The following LINC00305 variants were observed in gnomAD, a reference collection of about 807,000 sequenced individuals.
LINC00305 encodes the protein long intergenic non-protein coding RNA 305.
intron 1 of LINC00305, among the ~76,000 whole-genome samples, chr18:64,139,094 T>G (rs2051448932): frequency 6.6e-6 from 1 of 152,150 alleles, no homozygotes; most frequent in Non-Finnish European, 1.5e-5. Context: ...CAAACATTCT[T>G]CCTCTGCGTG....
At chr18:64,082,462 T>C (rs921933450) in intron 3 of LINC00305, among the ~76,000 whole-genome samples, 4 of 152,232 alleles carry the variant, frequency 2.6e-5, no homozygotes, top group Admixed American at 2.6e-4. Context: ...GTTTCTCATT[T>C]AGCTGGCCCT....
intron 1 of LINC00305, among the ~76,000 whole-genome samples, chr18:64,137,394 C>T (rs1230540984): frequency 6.6e-6 from 1 of 152,174 alleles, no homozygotes; most frequent in Non-Finnish European, 1.5e-5. Flanking sequence ...TTAGGACAAC[C>T]CTGGGAAATT....
At position 64,099,265 on chromosome 18, in the gene LINC00305, A is replaced by G. The variant is rs148195727; in HGVS notation, n.315-625T>C. ...ATATGGTCACATTTCATACATGTGTACTCTCTAAATTTGTGATTTTAAACA... is the reference window on the plus strand; with the variant it reads ...ATATGGTCACATTTCATACATGTGTGCTCTCTAAATTTGTGATTTTAAACA... On this transcript the variant is annotated intron_variant and non_coding_transcript_variant, in intron 1 of 3. Coordinates refer to ENST00000666468, the Ensembl canonical transcript of LINC00305. 9.5e-4 allele frequency among the ~76,000 whole-genome samples: 145 copies of G among 152,236 alleles called. 1 individual carries two copies. Among genetic ancestry groups the G allele is most frequent in the African/African-American group, 3.4e-3 (143 of 41,560 alleles).
At chr18:64,127,786 G>A (rs1324640166) in intron 1 of LINC00305, among the ~76,000 whole-genome samples, 2 of 152,124 alleles carry the variant, frequency 1.3e-5, no homozygotes, top group South Asian at 2.1e-4. Context: ...TTTCCCATGT[G>A]TGTTTCTGCA....
chr18:64,125,560 T>A (rs1404345791), intron 1 of LINC00305, among the ~76,000 whole-genome samples: 2 of 151,636 alleles, frequency 1.3e-5, no homozygotes, highest in South Asian at 2.1e-4. Flanking sequence ...TATGTCGCAA[T>A]TTTTTTTTAC....
intron 1 of LINC00305, among the ~76,000 whole-genome samples, chr18:64,101,288 G>A (rs577716437): frequency 3.3e-5 from 5 of 152,250 alleles, no homozygotes; most frequent in African/African-American, 9.6e-5. Context: ...GTGCTCATAT[G>A]GGAACAATGC....
chr18:64,146,219 T>C (rs1320941883), intron 1 of LINC00305, among the ~76,000 whole-genome samples: 2 of 152,174 alleles, frequency 1.3e-5, no homozygotes, highest in African/African-American at 2.4e-5. Context: ...AATAGTAGTA[T>C]TAGACAAATA....
chr18:64,102,017 A>G (rs572846802), intron 1 of LINC00305, among the ~76,000 whole-genome samples: 1 of 152,318 alleles, frequency 6.6e-6, no homozygotes, highest in Admixed American at 6.5e-5. Context: ...TCCACACTAG[A>G]ACATGTGCCT....
At chr18:64,117,142 T>C (rs1299378027) in intron 1 of LINC00305, among the ~76,000 whole-genome samples, 1 of 152,156 alleles carries the variant, frequency 6.6e-6, no homozygotes, top group Non-Finnish European at 1.5e-5. Context: ...ATGCTAACTG[T>C]GGTTCTTCTG....
At chr18:64,144,076 T>C (rs1340243910) in intron 1 of LINC00305, among the ~76,000 whole-genome samples, 1 of 152,204 alleles carries the variant, frequency 6.6e-6, no homozygotes, top group African/African-American at 2.4e-5. Flanking sequence ...AAATTCTTTT[T>C]ATGCCCTGTT....
At chr18:64,141,185 A>G (rs1269649183) in intron 1 of LINC00305, among the ~76,000 whole-genome samples, 1 of 152,038 alleles carries the variant, frequency 6.6e-6, no homozygotes, top group Non-Finnish European at 1.5e-5. Context: ...CCTTTAACCT[A>G]TAAAAACTGT....
chr18:64,094,863 A>ATAAATAAATAAATAAATAAAT (rs1488732186), intron 3 of LINC00305, among the ~76,000 whole-genome samples: 1 of 150,164 alleles, frequency 6.7e-6, no homozygotes, highest in African/African-American at 2.4e-5. Flanking sequence ...CAAAAAATAA[A>ATAAATAAATAAATAAATAAAT]TAAATAAATA....
At chr18:64,080,931 A>AT (rs1289400763) in intron 3 of LINC00305, among the ~76,000 whole-genome samples, 7 of 152,172 alleles carry the variant, frequency 4.6e-5, no homozygotes, top group Non-Finnish European at 1.0e-4. Context: ...AACTATTTTA[A>AT]TTTTTTAAAA....
At chr18:64,132,482 C>T (rs2051414154) in intron 1 of LINC00305, among the ~76,000 whole-genome samples, 1 of 152,122 alleles carries the variant, frequency 6.6e-6, no homozygotes, top group Non-Finnish European at 1.5e-5. Flanking sequence ...CATACGTCAC[C>T]TTGTATAAAC....
intron 1 of LINC00305, among the ~76,000 whole-genome samples, chr18:64,115,475 G>C (rs568455568): frequency 1.3e-5 from 2 of 152,130 alleles, no homozygotes; most frequent in Non-Finnish European, 2.9e-5. Flanking sequence ...TGTGTGTGGG[G>C]AGGCTGCTTA....
At chr18:64,143,799 A>G (rs1306514599) in intron 1 of LINC00305, among the ~76,000 whole-genome samples, 2 of 146,786 alleles carry the variant, frequency 1.4e-5, no homozygotes, top group African/African-American at 2.5e-5. Flanking sequence ...TATTATGCGT[A>G]CATGTATGTA....
At chr18:64,086,220 T>C (rs1044413151) in intron 3 of LINC00305, among the ~76,000 whole-genome samples, 4 of 152,222 alleles carry the variant, frequency 2.6e-5, no homozygotes, top group African/African-American at 9.6e-5. Context: ...TAAATATAAC[T>C]ATTCCTTTCA....
intron 1 of LINC00305, among the ~76,000 whole-genome samples, chr18:64,110,707 T>A (rs1007586860): frequency 6.6e-6 from 1 of 152,152 alleles, no homozygotes; most frequent in Non-Finnish European, 1.5e-5. Context: ...ACGAGTTATT[T>A]AGAAGTTTAA....
chr18:64,106,923 A>T (rs1251958593), intron 1 of LINC00305, among the ~76,000 whole-genome samples: 3 of 152,214 alleles, frequency 2.0e-5, no homozygotes, highest in Non-Finnish European at 4.4e-5. Flanking sequence ...TTGGAGGATG[A>T]TACATGAAGA....
Sources: allele counts gnomAD v4.1 joint callset (sites outside exome capture counted in the v4.1 genomes callset), GRCh38; gene constraint gnomAD v4.1.1; transcripts MANE v1.5; gene names NCBI Gene and HGNC (gene_info 2026-07-23, HGNC 2026-07-21).